The following BOD1L1 variants were observed in gnomAD, a reference collection of about 807,000 sequenced individuals.
BOD1L1 encodes biorientation of chromosomes in cell division 1 like 1.
A neutral mutation model predicts 240.7 loss-of-function variants in BOD1L1; 86 were observed. The observed-to-expected ratio is 0.36, with a 90% CI of 0.30 to 0.43. The LOEUF is 0.43. Ranked by LOEUF, BOD1L1 falls within the 20% of genes least tolerant of loss-of-function variation. The pLI, the probability that BOD1L1 is intolerant of heterozygous loss-of-function variation, is 1.00. For synonymous variants in BOD1L1, 1,268 were observed against 1,272.3 expected, an observed-to-expected ratio of 1.00 and a Z score of 0.07; for missense variants, 3,554 against 3,643.5, an observed-to-expected ratio of 0.98 and a Z score of 0.63.
Position 13,627,543 on chromosome 4 carries a change from C to A in BOD1L1, c.45G>T (p.Pro15=). 8.8e-7 allele frequency: 1 copy of A among 1,130,450 alleles called. No individual in the cohort carries two copies. The highest frequency in any genetic ancestry group is 1.1e-6 in the Non-Finnish European group (1 of 922,772). 70.0% of individuals were successfully genotyped at this position (1,130,450 alleles called of 1,614,324 possible). The change falls in exon 1 of 26, where the codon CCG becomes CCT. Residue 15 remains proline, a synonymous_variant. Transcript: ENST00000040738. The part of the protein sequence containing the change: ...PQPQPPPPAP[P]PPPPQPQPQP... Reference sequence around the variant, plus strand: ...GCGGCTGCGGCTGCGGCGGGGGAGGCGGCGGCGCCGGAGGAGGCGGCTGCG... The same window carrying A: ...GCGGCTGCGGCTGCGGCGGGGGAGGAGGCGGCGCCGGAGGAGGCGGCTGCG...
chr4:13,587,169 A>G (rs1006719363), intron 16 of BOD1L1, among the ~76,000 whole-genome samples: 1 of 152,208 alleles, frequency 6.6e-6, no homozygotes, highest in Non-Finnish European at 1.5e-5. Context: ...TTAAAAAACA[A>G]TTAAAAATTC....
chr4:13,582,159 G>C, intron 19 of BOD1L1, 78 bp downstream of exon 19: 2 of 1,227,842 alleles, frequency 1.6e-6, no homozygotes, highest in South Asian at 1.4e-5. Flanking sequence ...AAAAACTCAA[G>C]ATAACAGTAT....
Position 13,627,366 on chromosome 4 carries a change from G to A in BOD1L1, c.222C>T (p.Cys74=). 3 of 1,343,492 alleles carry A rather than the reference G, an allele frequency of 2.2e-6. No homozygotes were observed. The highest frequency in any genetic ancestry group is 2.9e-6 in the Non-Finnish European group (3 of 1,036,280). The allele number at this position is 1,343,492 out of a possible 1,614,324, so 83.2% of individuals were successfully genotyped here. ...TAACCTTGGTGTCCACGTCGGCCAG[G>A]CAGTCTCTGCGGAACTGGTCGAAGA... The part of the protein sequence containing the change: ...QGLFDQFRRD[C]LADVDTKPAY... Residue 74 remains cysteine, a synonymous_variant, in exon 1 of 26, where the codon TGC becomes TGT. Coordinates refer to ENST00000040738, the MANE Select transcript of BOD1L1 (RefSeq NM_148894.3).
rs747213211 is a variant in BOD1L1 at position 13,602,589 on chromosome 4, G to A, written c.4311C>T (p.Gly1437=). The A allele has an allele frequency of 6.2e-7, 1 of 1,613,970 alleles. No homozygotes were observed. The highest frequency in any genetic ancestry group is 2.2e-5 in the East Asian group (1 of 44,888). The change falls in exon 10 of 26, where the codon GGC becomes GGT. Residue 1437 remains glycine (G), a synonymous_variant. Coordinates refer to ENST00000040738, the MANE Select transcript of BOD1L1 (RefSeq NM_148894.3). ...GGCCTACAACATGATCAACAGCAAT[G>A]CCATCCTTCTTGCCATTCTCTACTG... ...KATVENGKKD[G]IAVDHVVGLN...
chr4:13,584,744 A>C (rs1478524808), intron 17 of BOD1L1, among the ~76,000 whole-genome samples: 5 of 151,976 alleles, frequency 3.3e-5, no homozygotes, highest in African/African-American at 1.2e-4. Context: ...CAGTGCCTGG[A>C]ATTTTTTCAC....
At chr4:13,576,731 C>T (rs1712778017) in intron 25 of BOD1L1, 107 bp downstream of exon 25, 1 of 1,372,652 alleles carries the variant, frequency 7.3e-7, no homozygotes, top group Non-Finnish European at 9.8e-7. Flanking sequence ...AGAACTTCCA[C>T]TGCAGCATGA....
chr4:13,580,672 T>C (rs1173346783), intron 21 of BOD1L1, among the ~76,000 whole-genome samples: 1 of 152,078 alleles, frequency 6.6e-6, no homozygotes, highest in Admixed American at 6.5e-5. Context: ...CCAAAGAAAG[T>C]AGTAAGATGG....
At chr4:13,624,205 G>C (rs1174670175) in intron 1 of BOD1L1, 1 of 152,082 alleles carries the variant, frequency 6.6e-6, no homozygotes, top group Admixed American at 6.6e-5. Context: ...CAGGTACAGA[G>C]GTTAGTGGCA....
intron 2 of BOD1L1, among the ~76,000 whole-genome samples, chr4:13,616,733 G>A (rs775775000): frequency 3.2e-4 from 49 of 152,054 alleles, no homozygotes; most frequent in Non-Finnish European, 5.6e-4. Flanking sequence ...TTCATTTCTG[G>A]AAGCACCTTG....
intron 5 of BOD1L1, among the ~76,000 whole-genome samples, chr4:13,611,683 T>A (rs1716179995): frequency 6.6e-6 from 1 of 152,236 alleles, no homozygotes; most frequent in South Asian, 2.1e-4. Flanking sequence ...ACAGCCTCCA[T>A]CTGCGCCTCA....
rs1715241486 is a variant in BOD1L1 at position 13,602,139 on chromosome 4, A to G, written c.4761T>C (p.Ala1587=). ...CAACAGCCCCACCTTCTTCAGCTGCAGCAAAAACAGTGCATTCACTGGCTT... is the reference window on the plus strand; with the variant it reads ...CAACAGCCCCACCTTCTTCAGCTGCGGCAAAAACAGTGCATTCACTGGCTT... ...GAEASECTVF[A]AAEEGGAVVT... The change falls in exon 10 of 26, where the codon GCT becomes GCC. Residue 1587 remains alanine, a synonymous_variant. Coordinates refer to ENST00000040738, the MANE Select transcript of BOD1L1 (RefSeq NM_148894.3). 1 of 1,614,030 alleles carries G rather than the reference A, an allele frequency of 6.2e-7. No individual in the cohort carries two copies.
rs533837398 is a variant in BOD1L1 at position 13,581,308 on chromosome 4, G to A, written c.8593-101C>T. The A allele has an allele frequency of 4.3e-5, 34 of 798,710 alleles. No homozygotes were observed. In the African/African-American group the frequency reaches 5.2e-4, roughly 12 times the overall value. 49.5% of individuals were successfully genotyped at this position (798,710 alleles called of 1,614,324 possible). On this transcript the variant is annotated intron_variant, in intron 19 of 25. Coordinates refer to ENST00000040738, the MANE Select transcript of BOD1L1 (RefSeq NM_148894.3). ...AATCAGATTTAGAGTTCCTGTCTAA[G>A]AGACCTCAAATCCTAGCTTTGTCAC... is the stretch of plus-strand genomic sequence containing the variant.
At chr4:13,626,871 C>G (rs1717432295) in intron 1 of BOD1L1, among the ~76,000 whole-genome samples, 2 of 152,194 alleles carry the variant, frequency 1.3e-5, no homozygotes, top group African/African-American at 4.8e-5. Flanking sequence ...AGGTTTGCCT[C>G]CTTATCTTTG....
intron 1 of BOD1L1, 135 bp from the exon 2 acceptor site, chr4:13,620,202 A>C: frequency 1.2e-6 from 1 of 855,308 alleles, no homozygotes; most frequent in Non-Finnish European, 1.7e-6. Context: ...ACTTACACTC[A>C]TTCAAATACT....
At position 13,614,377 on chromosome 4, in the gene BOD1L1, T is replaced by C. The variant is rs1483568702; in HGVS notation, c.993A>G (p.Lys331=). ...KGEKKPDSNE[K]GERKKEKKEK... is the part of the protein sequence containing the mutation. ...CCTTCTTTTCTTTCTTTCTTTCTCC[T>C]TTCTCATTGCTGTCTGGCTTCTTTT... Residue 331 remains lysine, a synonymous_variant, in exon 4 of 26, where the codon AAA becomes AAG. Transcript: ENST00000040738. 2 of 1,557,804 alleles carry C rather than the reference T, an allele frequency of 1.3e-6. No individual in the cohort carries two copies. Among genetic ancestry groups the C allele is most frequent in the Non-Finnish European group, 1.7e-6 (2 of 1,149,634 alleles).
At chr4:13,591,523 C>T (rs762706855) in intron 13 of BOD1L1, among the ~76,000 whole-genome samples, 2 of 152,142 alleles carry the variant, frequency 1.3e-5, no homozygotes, top group South Asian at 4.1e-4. Context: ...AGAGCCACAT[C>T]TGGGAAAAAA....
intron 6 of BOD1L1, among the ~76,000 whole-genome samples, chr4:13,610,046 T>C (rs887748350): frequency 6.6e-6 from 1 of 152,244 alleles, no homozygotes; most frequent in Non-Finnish European, 1.5e-5. Flanking sequence ...AAGGGAAGGC[T>C]AATCACTACT....
chr4:13,620,071 G>A lies in BOD1L1; in HGVS notation c.244-4C>T, dbSNP rs1454783000. ...GTCTCAGATTCTGATACGCAGGCTA[G>A]AGAGAAAAAAACGAAGGTAAGTCTT... On this transcript the variant is annotated splice_region_variant and splice_polypyrimidine_tract_variant and intron_variant, in intron 1 of 25. Transcript: ENST00000040738. 4 of 1,594,318 alleles carry A rather than the reference G, an allele frequency of 2.5e-6. No homozygotes were observed. The highest frequency in any genetic ancestry group is 3.4e-6 in the Non-Finnish European group (4 of 1,169,710).
chr4:13,614,573 G>T lies in BOD1L1; in HGVS notation c.797C>A (p.Ser266Tyr), dbSNP rs765991762. Reference protein sequence around the residue: ...MADKEKSTADSGGEGLETAPK... With the variant: ...MADKEKSTADYGGEGLETAPK... ...GGCTGTTTCCAGTCCTTCACCTCCA[G>T]AGTCAGCTGTAGATTTTTCTTTATC... The change falls in exon 4 of 26, where the codon TCT (serine) becomes TAT (tyrosine). Residue 266 changes from serine (S) to tyrosine (Y), a missense_variant. This residue lies in a region of BOD1L1 where 3,393 missense variants were observed against 3,427.1 expected (regional missense o/e 0.99). Transcript: ENST00000040738. 1 of 1,613,986 alleles carries T rather than the reference G, an allele frequency of 6.2e-7. No homozygotes were observed. Among genetic ancestry groups the T allele is most frequent in the Non-Finnish European group, 8.5e-7 (1 of 1,179,884 alleles).
Sources: gnomAD v4.1 joint callset for allele counts (sites outside exome capture counted in the v4.1 genomes callset) on GRCh38, gnomAD v4.1.1 for gene constraint, gnomAD v4.1.1 regional missense constraint, MANE v1.5 for transcripts, NCBI Gene and HGNC (gene_info 2026-07-23, HGNC 2026-07-21) for gene names.